Variants in SNTG1 observed in about 807,000 individuals in gnomAD.
SNTG1 encodes the protein syntrophin gamma 1.
In SNTG1, 39 loss-of-function variants were observed where a neutral mutation model predicts 74.7. The observed-to-expected ratio is 0.52, with a 90% CI of 0.40 to 0.68. The LOEUF (loss-of-function observed/expected upper bound fraction) is 0.68. SNTG1 is among the 30% of genes least tolerant of loss of function. SNTG1 has a pLI of 0.00. For synonymous variants in SNTG1, 254 were observed against 217.1 expected, an observed-to-expected ratio of 1.17 and a Z score of -1.49; for missense variants, 685 against 609.5, an observed-to-expected ratio of 1.12 and a Z score of -1.30.
At chr8:50,388,052 G>A (rs187936384) in intron 2 of SNTG1, among the ~76,000 whole-genome samples, 1 of 152,276 alleles carries the variant, frequency 6.6e-6, no homozygotes, top group East Asian at 1.9e-4. Flanking sequence ...AATTTGTAAT[G>A]TAATTCAGTG....
At chr8:50,763,688 G>T (rs2131748619) in intron 18 of SNTG1, among the ~76,000 whole-genome samples, 1 of 137,656 alleles carries the variant, frequency 7.3e-6, no homozygotes, top group South Asian at 2.5e-4. Flanking sequence ...GTGTGTGTGT[G>T]TGTGGTTTTA....
chr8:50,096,215 T>C (rs2131196073), intron 1 of SNTG1, among the ~76,000 whole-genome samples: 1 of 152,238 alleles, frequency 6.6e-6, no homozygotes, highest in African/African-American at 2.4e-5. Flanking sequence ...CAACCACCCT[T>C]CTTGACAGTA....
intron 1 of SNTG1, among the ~76,000 whole-genome samples, chr8:49,932,979 C>A (rs1324620332): frequency 1.4e-5 from 1 of 70,106 alleles, no homozygotes; most frequent in Non-Finnish European, 2.7e-5. Context: ...GTATAATATT[C>A]CATTGTATGA....
At chr8:50,438,742 T>C in intron 5 of SNTG1, 143 bp downstream of exon 5, 1 of 631,804 alleles carries the variant, frequency 1.6e-6, no homozygotes, top group Non-Finnish European at 2.7e-6. Flanking sequence ...GTAAATTAGG[T>C]AGGTTCTCAC....
chr8:50,118,530 T>C (rs1197683373), intron 1 of SNTG1, among the ~76,000 whole-genome samples: 1 of 143,908 alleles, frequency 6.9e-6, no homozygotes, highest in Non-Finnish European at 1.6e-5. Context: ...GCAAAGAGGA[T>C]GTTAGTTATT....
At chr8:49,937,079 G>A (rs1289027891) in intron 1 of SNTG1, among the ~76,000 whole-genome samples, 1 of 152,190 alleles carries the variant, frequency 6.6e-6, no homozygotes, top group Non-Finnish European at 1.5e-5. Context: ...AACCCGGGAG[G>A]CGGAGGTTGC....
At chr8:50,266,682 GTGTA>G (rs1405009757) in intron 2 of SNTG1, among the ~76,000 whole-genome samples, 64 of 137,454 alleles carry the variant, frequency 4.7e-4, no homozygotes, top group African/African-American at 1.5e-3. Flanking sequence ...GTGTGTGTGT[GTGTA>G]TATATATATA....
At chr8:50,348,274 G>C (rs186606910) in intron 2 of SNTG1, among the ~76,000 whole-genome samples, 1 of 152,238 alleles carries the variant, frequency 6.6e-6, no homozygotes, top group Non-Finnish European at 1.5e-5. Context: ...GTGGTTATCT[G>C]GCCCTTGGAA....
chr8:50,635,590 G>A lies in SNTG1; in HGVS notation c.850-21319G>A, dbSNP rs564583598. Among the ~76,000 whole-genome samples the A allele has an allele frequency of 1.2e-3, 190 of 152,334 alleles. 2 individuals carry two copies. Among genetic ancestry groups the A allele is most frequent in the South Asian group, 0.01 (50 of 4,824 alleles). ...CACCATCACCAGAGGCCCACAGGGAGTGCTTCCAGGCAATTGCCGATGTTC... is the reference window on the plus strand; with the variant it reads ...CACCATCACCAGAGGCCCACAGGGAATGCTTCCAGGCAATTGCCGATGTTC... On this transcript the variant is annotated intron_variant, in intron 13 of 18. Transcript: ENST00000642720.
intron 1 of SNTG1, among the ~76,000 whole-genome samples, chr8:49,999,010 C>T (rs1423898917): frequency 2.6e-5 from 4 of 152,080 alleles, no homozygotes; most frequent in Non-Finnish European, 5.9e-5. Context: ...TTGCTTGACA[C>T]TGTGATGGCT....
chr8:50,670,386 T>C (rs1262442515), intron 15 of SNTG1, among the ~76,000 whole-genome samples: 1 of 151,878 alleles, frequency 6.6e-6, no homozygotes, highest in Non-Finnish European at 1.5e-5. Flanking sequence ...CAAGCATTCT[T>C]ATACACCAAT....
intron 1 of SNTG1, among the ~76,000 whole-genome samples, chr8:49,984,703 T>C (rs1448732365): frequency 6.6e-6 from 1 of 152,220 alleles, no homozygotes; most frequent in Non-Finnish European, 1.5e-5. Flanking sequence ...TCATGCAAAG[T>C]AAGTTGAAGA....
Position 49,911,684 on chromosome 8 carries a change from C to G in SNTG1, c.-650C>G, listed in dbSNP as rs578124743. ...ACCTGGACCTGCGCTTAGGGGCTCC[C>G]GTCCCCTTACTTCAGCACCAGAGGG... On this transcript the variant is annotated 5_prime_UTR_variant, in exon 1 of 19. Coordinates refer to ENST00000642720, the MANE Select transcript of SNTG1 (RefSeq NM_018967.5). The G allele has an allele frequency of 6.6e-6, 1 of 152,302 alleles. No homozygotes were observed. Among genetic ancestry groups the G allele is most frequent in the Non-Finnish European group, 1.5e-5 (1 of 68,146 alleles). The allele number at this position is 152,302 out of a possible 1,614,324, so 9.4% of individuals were successfully genotyped here. A position where few individuals can be genotyped will look rare whatever the true frequency, so the allele number is the denominator to read the frequency against.
At chr8:50,014,284 T>C (rs1011849725) in intron 1 of SNTG1, among the ~76,000 whole-genome samples, 2 of 152,154 alleles carry the variant, frequency 1.3e-5, no homozygotes, top group African/African-American at 4.8e-5. Context: ...TGTTAGCTAT[T>C]TGATTTGACC....
At chr8:50,099,224 CT>C (rs767085339) in intron 1 of SNTG1, among the ~76,000 whole-genome samples, 2 of 152,014 alleles carry the variant, frequency 1.3e-5, no homozygotes, top group African/African-American at 2.4e-5. Context: ...AGATTTTCTG[CT>C]GCTGGTCTTT....
chr8:50,259,013 G>C (rs1035189905), intron 2 of SNTG1, among the ~76,000 whole-genome samples: 1 of 152,218 alleles, frequency 6.6e-6, no homozygotes, highest in African/African-American at 2.4e-5. Context: ...CAGTAAAAAT[G>C]TTGAAAGGCA....
intron 2 of SNTG1, among the ~76,000 whole-genome samples, chr8:50,229,071 T>C (rs1005452491): frequency 6.6e-6 from 1 of 151,624 alleles, no homozygotes; most frequent in Non-Finnish European, 1.5e-5. Flanking sequence ...TGATTGTGGA[T>C]TTAGATCAGC....
At position 50,093,534 on chromosome 8, in the gene SNTG1, T is replaced by C. The variant is rs773419481; in HGVS notation, c.-102-79027T>C. On this transcript the variant is annotated intron_variant, in intron 1 of 18. Transcript: ENST00000642720. ...AAGTGAAATAGCAACCAAAATTCCA[T>C]GTGGATTTCATTTTAGGGCTGGACT... Among the ~76,000 whole-genome samples, 6 of 152,184 alleles carry C rather than the reference T, an allele frequency of 3.9e-5. No individual in the cohort carries two copies. The East Asian group carries it at 9.7e-4, about 25-fold the overall frequency.
intron 18 of SNTG1, among the ~76,000 whole-genome samples, chr8:50,786,252 TA>T (rs1451025194): frequency 6.6e-6 from 1 of 151,892 alleles, no homozygotes; most frequent in East Asian, 1.9e-4. Flanking sequence ...TAGGTAAAAT[TA>T]AGAAAAAATT....
Sources: allele counts gnomAD v4.1 joint callset (sites outside exome capture counted in the v4.1 genomes callset), GRCh38; gene constraint gnomAD v4.1.1; transcripts MANE v1.5; gene names NCBI Gene and HGNC (gene_info 2026-07-23, HGNC 2026-07-21).